Variants in CCDC134 observed in about 807,000 individuals in gnomAD.
CCDC134 encodes coiled-coil domain containing 134.
Under a neutral mutation model 25.6 loss-of-function variants are expected in CCDC134, and 27 were observed. That is an observed-to-expected ratio of 1.05 (90% CI 0.78 to 1.45). CCDC134 has a LOEUF of 1.45. Ranked by LOEUF, CCDC134 falls within the 40% of genes most tolerant of loss-of-function variation. The pLI, the probability that CCDC134 is intolerant of heterozygous loss-of-function variation, is 0.00. For missense variants in CCDC134, 261 were observed against 286.7 expected, an observed-to-expected ratio of 0.91 and a Z score of 0.65; for synonymous variants, 110 against 115.0, an observed-to-expected ratio of 0.96 and a Z score of 0.28.
chr22:41,810,148 A>T, intron 3 of CCDC134, 59 bp from the exon 4 acceptor site: 1 of 1,597,644 alleles, frequency 6.3e-7, no homozygotes, highest in African/African-American at 1.3e-5. Context: ...ATAAATGGGG[A>T]TGGGAGCAGT....
At chr22:41,824,795 G>A (rs1275484010) in intron 6 of CCDC134, among the ~76,000 whole-genome samples, 1 of 152,090 alleles carries the variant, frequency 6.6e-6, no homozygotes, top group East Asian at 1.9e-4. Flanking sequence ...TCCAACTGCA[G>A]TGAGGAGAAT....
In CCDC134 at chr22:41,827,078, G is replaced by GT. The variant is rs1344941992; in HGVS notation, c.*1258dup. ...TGTATCCCCTGCCCAGCCCTAACCT[G>GT]TTTCTCTGAGGCTGGCCTCCCTACG... On this transcript the variant is annotated 3_prime_UTR_variant, in exon 7 of 7. Transcript: ENST00000255784. Among the ~76,000 whole-genome samples the GT allele has an allele frequency of 5.9e-5, 9 of 152,196 alleles. No individual in the cohort carries two copies. Among genetic ancestry groups the GT allele is most frequent in the Non-Finnish European group, 1.2e-4 (8 of 68,026 alleles).
At position 41,826,618 on chromosome 22, in the gene CCDC134, G is replaced by A. The variant is rs912916091; in HGVS notation, c.*795G>A. Among the ~76,000 whole-genome samples, 40 of 152,352 alleles carry A rather than the reference G, an allele frequency of 2.6e-4. No individual in the cohort carries two copies. Among genetic ancestry groups the A allele is most frequent in the African/African-American group, 7.0e-4 (29 of 41,594 alleles). ...AAGTCAGCTTGTTCTCTCTGGCAGC[G>A]CTGGAAGACAGTCAACCTGTGGGTG... On this transcript the variant is annotated 3_prime_UTR_variant, in exon 7 of 7. Coordinates refer to ENST00000255784, the MANE Select transcript of CCDC134 (RefSeq NM_024821.5).
chr22:41,821,278 G>A (rs2076650491), intron 6 of CCDC134, among the ~76,000 whole-genome samples: 1 of 151,808 alleles, frequency 6.6e-6, no homozygotes, highest in East Asian at 1.9e-4. Flanking sequence ...AAGTGGATGT[G>A]GCAAGTATAG....
At chr22:41,824,576 A>G (rs2076667117) in intron 6 of CCDC134, among the ~76,000 whole-genome samples, 1 of 152,214 alleles carries the variant, frequency 6.6e-6, no homozygotes. Flanking sequence ...CCTGGCCAAC[A>G]TAGCGCAACC....
At chr22:41,804,222 ACTT>A (rs1306200251) in intron 1 of CCDC134, among the ~76,000 whole-genome samples, 1 of 152,164 alleles carries the variant, frequency 6.6e-6, no homozygotes, top group Non-Finnish European at 1.5e-5. Context: ...GAAACCATCA[ACTT>A]CTTATCCTGG....
intron 6 of CCDC134, among the ~76,000 whole-genome samples, chr22:41,815,783 G>A (rs947513523): frequency 5.3e-5 from 8 of 151,898 alleles, no homozygotes; most frequent in South Asian, 2.1e-4. Context: ...TAGCTGGGAC[G>A]ACAGGCCTGT....
At chr22:41,818,897 GTTC>G (rs1236786797) in intron 6 of CCDC134, among the ~76,000 whole-genome samples, 1 of 152,240 alleles carries the variant, frequency 6.6e-6, no homozygotes, top group East Asian at 1.9e-4. Context: ...TGTGATGCCA[GTTC>G]TTCTTGCTAT....
chr22:41,810,355 C>A, intron 4 of CCDC134, 64 bp downstream of exon 4: 2 of 1,441,530 alleles, frequency 1.4e-6, no homozygotes, highest in Non-Finnish European at 1.9e-6. Flanking sequence ...TGCTCCTTCT[C>A]TCCTGTTCTT....
chr22:41,821,372 A>T (rs2148319011), intron 6 of CCDC134, among the ~76,000 whole-genome samples: 1 of 151,562 alleles, frequency 6.6e-6, no homozygotes, highest in East Asian at 1.9e-4. Flanking sequence ...CACAATGTGC[A>T]GGTTAGTTAC....
At chr22:41,810,489 CTTT>C (rs960666358) in intron 4 of CCDC134, among the ~76,000 whole-genome samples, 198 bp downstream of exon 4, 2 of 86,630 alleles carry the variant, frequency 2.3e-5, no homozygotes, top group African/African-American at 5.0e-5. Flanking sequence ...AATAGCATTT[CTTT>C]TTTTTTTTTT....
intron 1 of CCDC134, among the ~76,000 whole-genome samples, chr22:41,803,404 C>T (rs1378789028): frequency 2.0e-5 from 3 of 152,168 alleles, no homozygotes; most frequent in African/African-American, 7.2e-5. Flanking sequence ...TTGCAAACTT[C>T]TGGGCCAGCA....
intron 6 of CCDC134, among the ~76,000 whole-genome samples, chr22:41,820,677 C>T (rs756741956): frequency 6.6e-6 from 1 of 152,082 alleles, no homozygotes; most frequent in Non-Finnish European, 1.5e-5. Context: ...GAGAGAGGAG[C>T]GTTAAGCATG....
intron 6 of CCDC134, among the ~76,000 whole-genome samples, chr22:41,817,958 A>G (rs747752345): frequency 6.6e-6 from 1 of 152,112 alleles, no homozygotes; most frequent in Non-Finnish European, 1.5e-5. Context: ...CAGCATTGTT[A>G]CTGGGGCTGG....
In CCDC134 at chr22:41,808,735, GC is replaced by G. The variant is rs555576458; in HGVS notation, c.-16-139del. On this transcript the variant is annotated intron_variant, in intron 1 of 6. Transcript: ENST00000255784. ...TGCTGGCCCTGGGATAAGAGCTGCAGCTTCAGGGCTCCCCAAAGCTGGGTTC... is the reference window on the plus strand; with the variant it reads ...TGCTGGCCCTGGGATAAGAGCTGCAGTTCAGGGCTCCCCAAAGCTGGGTTC... 195 of 678,406 alleles carry G rather than the reference GC, an allele frequency of 2.9e-4. No homozygotes were observed. In the African/African-American group the frequency reaches 3.1e-3, roughly 11 times the overall value. 42.0% of individuals were successfully genotyped at this position (678,406 alleles called of 1,614,324 possible).
At chr22:41,809,855 G>A in intron 2 of CCDC134, 24 bp from the exon 3 acceptor site, 1 of 1,613,952 alleles carries the variant, frequency 6.2e-7, no homozygotes, top group Non-Finnish European at 8.5e-7. Context: ...ATTGATGCCA[G>A]CCCCTTAACT....
At chr22:41,814,051 G>C (rs1365467436) in intron 6 of CCDC134, among the ~76,000 whole-genome samples, 1 of 152,206 alleles carries the variant, frequency 6.6e-6, no homozygotes, top group African/African-American at 2.4e-5. Context: ...AGTTATGGGG[G>C]GTAGTTAGGA....
chr22:41,806,214 ATT>A (rs60425249), intron 1 of CCDC134, among the ~76,000 whole-genome samples: 232 of 120,960 alleles, frequency 1.9e-3, no homozygotes, highest in African/African-American at 7.1e-3. Context: ...TAGGCGACTA[ATT>A]TTTTTTTTTT....
intron 1 of CCDC134, among the ~76,000 whole-genome samples, chr22:41,805,082 A>G (rs1021232128): frequency 7.2e-5 from 11 of 152,162 alleles, no homozygotes; most frequent in African/African-American, 2.2e-4. Flanking sequence ...ATAAAAAAAA[A>G]AGAGAGAGAG....
Sources: allele counts gnomAD v4.1 joint callset (sites outside exome capture counted in the v4.1 genomes callset), GRCh38; gene constraint gnomAD v4.1.1; transcripts MANE v1.5; gene names NCBI Gene and HGNC (gene_info 2026-07-23, HGNC 2026-07-21).